Variants in MTF1 observed in about 807,000 individuals in gnomAD.
MTF1 encodes the protein metal regulatory transcription factor 1.
MTF1 carries 22 observed loss-of-function variants against 70.4 expected under a neutral mutation model. That is an observed-to-expected ratio of 0.31 (90% confidence interval 0.22 to 0.45). MTF1 has a LOEUF of 0.45. Among genes scored for constraint, MTF1 ranks in the 20% least tolerant of loss-of-function variants. The pLI is 1.00. For missense variants in MTF1, 649 were observed against 922.0 expected (o/e 0.70, Z 3.83); for synonymous variants, 333 against 352.8 (o/e 0.94, Z 0.63).
intron 6 of MTF1, among the ~76,000 whole-genome samples, chr1:37,833,796 A>G (rs1018119265): frequency 6.6e-6 from 1 of 151,952 alleles, no homozygotes; most frequent in African/African-American, 2.4e-5. Context: ...GAGTGAAGGA[A>G]AGAGGGTATC....
chr1:37,820,789 A>C (rs924678084), intron 9 of MTF1, among the ~76,000 whole-genome samples: 8 of 152,224 alleles, frequency 5.3e-5, no homozygotes, highest in African/African-American at 1.9e-4. Context: ...TAATGTATCA[A>C]TACTGGTTCA....
At chr1:37,832,438 A>T in intron 6 of MTF1, 116 bp from the exon 7 acceptor site, 1 of 671,840 alleles carries the variant, frequency 1.5e-6, no homozygotes, top group Non-Finnish European at 2.6e-6. Context: ...TACATGTATT[A>T]TCTGAAGAAG....
intron 2 of MTF1, among the ~76,000 whole-genome samples, chr1:37,852,733 T>G (rs1195130393): frequency 1.3e-5 from 2 of 151,938 alleles, no homozygotes; most frequent in Non-Finnish European, 2.9e-5. Flanking sequence ...TGGGTTCAAG[T>G]GATTCTCCTG....
rs1013196830 is a variant in MTF1 at position 37,815,212 on chromosome 1, G to A, written c.2186C>T (p.Pro729Leu). ...TGCTTCAATGGGAATCAGATTGGAC[G>A]GGGTGTCCAGGCTCTGGAGGGATAG... ...EFLSLQSLDTPSNLIPIEALL... is the reference protein window; with the variant it reads ...EFLSLQSLDTLSNLIPIEALL... The change falls in exon 11 of 11, where the codon CCG (proline) becomes CTG (leucine). Residue 729 changes from proline (P) to leucine (L), a missense_variant. Pro to Leu is a moderately conservative substitution (Grantham distance 98, BLOSUM62 -3). Transcript: ENST00000373036. This position sits in a 1 kb window ranked among gnomAD's most constrained non-coding sequence, Gnocchi z 4.5. 5 of 1,614,126 alleles carry A rather than the reference G, an allele frequency of 3.1e-6. No individual in the cohort carries two copies. Among genetic ancestry groups the A allele is most frequent in the East Asian group, 2.2e-5 (1 of 44,862 alleles).
intron 2 of MTF1, among the ~76,000 whole-genome samples, chr1:37,854,927 C>T (rs995766726): frequency 1.3e-5 from 2 of 152,118 alleles, no homozygotes; most frequent in South Asian, 2.1e-4. Context: ...GGTGTGGTAG[C>T]GCATGCCTGT....
Position 37,840,047 on chromosome 1 carries a change from G to C in MTF1, c.520C>G (p.Gln174Glu). 1 of 1,614,244 alleles carries C rather than the reference G, an allele frequency of 6.2e-7. No individual in the cohort carries two copies. Among genetic ancestry groups the C allele is most frequent in the Non-Finnish European group, 8.5e-7 (1 of 1,180,046 alleles). ...AGGAAGGCTTTGCCACAGCCCTCCTGATTACAGACAAAGGTGTACTCTCCT... is the reference window on the plus strand; with the variant it reads ...AGGAAGGCTTTGCCACAGCCCTCCTCATTACAGACAAAGGTGTACTCTCCT... Reference protein sequence around the residue: ...HRGEYTFVCNQEGCGKAFLTS... With the variant: ...HRGEYTFVCNEEGCGKAFLTS... The change falls in exon 3 of 11, where the codon CAG (glutamine) becomes GAG (glutamate). Residue 174 changes from glutamine (Q) to glutamate (E), a missense_variant. By Grantham distance (29) the Gln-to-Glu change is conservative. Transcript: ENST00000373036. This position sits in a 1 kb window ranked among gnomAD's most constrained non-coding sequence, Gnocchi z 4.5.
At chr1:37,831,387 C>T (rs888894197) in intron 7 of MTF1, among the ~76,000 whole-genome samples, 1 of 152,230 alleles carries the variant, frequency 6.6e-6, no homozygotes, top group Admixed American at 6.5e-5. Flanking sequence ...CACTCTTTCA[C>T]AGCATTCCTG....
chr1:37,828,171 AT>A, intron 7 of MTF1: 1 of 418,250 alleles, frequency 2.4e-6, no homozygotes. Flanking sequence ...TCATAAAAGC[AT>A]TAAAAAAAAA....
chr1:37,837,515 A>AT (rs560965942), intron 4 of MTF1, among the ~76,000 whole-genome samples: 2 of 150,796 alleles, frequency 1.3e-5, no homozygotes, highest in African/African-American at 4.9e-5. Context: ...TTTTATTTTT[A>AT]TTTTTTTTGA....
chr1:37,829,936 C>G (rs1412214353), intron 7 of MTF1, among the ~76,000 whole-genome samples: 1 of 152,170 alleles, frequency 6.6e-6, no homozygotes, highest in Non-Finnish European at 1.5e-5. Flanking sequence ...TAGTGCTTCT[C>G]TCTCTTGATT....
rs528253392 is a variant in MTF1 at position 37,835,110 on chromosome 1, T to A, written c.959A>T (p.Tyr320Phe). The A allele has an allele frequency of 6.2e-7, 1 of 1,614,180 alleles. No homozygotes were observed. The highest frequency in any genetic ancestry group is 1.1e-5 in the South Asian group (1 of 91,090). The change falls in exon 6 of 11, where the codon TAC (tyrosine) becomes TTC (phenylalanine). Residue 320 changes from tyrosine to phenylalanine, a missense_variant. This residue lies in a region of MTF1 where 267 missense variants were observed against 292.1 expected (regional missense o/e 0.91). Transcript: ENST00000373036. ...MKGHDNKGHS[Y>F]NALPQHNGSE... ...TCCATTGTGTTGTGGAAGTGCATTG[T>A]ATGAGTGTCCTTTGTTATCATGACC... is the stretch of plus-strand genomic sequence containing the variant.
chr1:37,825,922 G>C (rs991884326), intron 7 of MTF1, among the ~76,000 whole-genome samples: 2 of 152,110 alleles, frequency 1.3e-5, no homozygotes, highest in African/African-American at 2.4e-5. Flanking sequence ...AATCACAGTA[G>C]GCTAAGGCCA....
chr1:37,836,294 A>G (rs576955292), intron 4 of MTF1, among the ~76,000 whole-genome samples: 41 of 152,134 alleles, frequency 2.7e-4, no homozygotes, highest in Non-Finnish European at 4.7e-4. Context: ...GAGAGCCCTG[A>G]CAACAAAAGT....
intron 6 of MTF1, among the ~76,000 whole-genome samples, 188 bp from the exon 7 acceptor site, chr1:37,832,510 T>C (rs1378397326): frequency 3.3e-5 from 5 of 152,246 alleles, no homozygotes; most frequent in Non-Finnish European, 2.9e-5. Context: ...CTTTATGTTC[T>C]AGGGTACATG....
chr1:37,839,572 C>T (rs1641224714), intron 3 of MTF1, among the ~76,000 whole-genome samples: 1 of 152,178 alleles, frequency 6.6e-6, no homozygotes, highest in African/African-American at 2.4e-5. Context: ...GGACAGAAGC[C>T]TTAGCACAAA....
chr1:37,843,678 A>T (rs1641290452), intron 2 of MTF1, among the ~76,000 whole-genome samples: 2 of 152,250 alleles, frequency 1.3e-5, no homozygotes, highest in South Asian at 4.1e-4. Flanking sequence ...TGAATTTCAT[A>T]TACCATGATA....
intron 2 of MTF1, among the ~76,000 whole-genome samples, chr1:37,852,635 C>T (rs1014057018): frequency 1.3e-5 from 2 of 148,258 alleles, no homozygotes; most frequent in South Asian, 2.1e-4. Flanking sequence ...GATTCAAAAC[C>T]TTTTTTTTTT....
At chr1:37,853,061 A>G (rs1334273563) in intron 2 of MTF1, among the ~76,000 whole-genome samples, 1 of 152,232 alleles carries the variant, frequency 6.6e-6, no homozygotes, top group Non-Finnish European at 1.5e-5. Context: ...TCCTTTCTTC[A>G]GATTTAAATG....
At chr1:37,857,210 C>G (rs1341611897) in intron 2 of MTF1, 41 bp downstream of exon 2, 1 of 1,578,576 alleles carries the variant, frequency 6.3e-7, no homozygotes, top group Non-Finnish European at 8.6e-7. Context: ...TAAGGACTTG[C>G]CCCAAAACCA....
Sources: allele counts gnomAD v4.1 joint callset (sites outside exome capture counted in the v4.1 genomes callset), GRCh38; gene constraint gnomAD v4.1.1; regional missense constraint gnomAD v4.1.1; non-coding constraint Gnocchi (gnomAD v3.1); transcripts MANE v1.5; gene names NCBI Gene and HGNC (gene_info 2026-07-23, HGNC 2026-07-21).